The following DLG2 variants were observed in gnomAD, a reference collection of about 807,000 sequenced individuals.
DLG2 encodes the protein discs large MAGUK scaffold protein 2.
In DLG2, 45 loss-of-function variants were observed where a neutral mutation model predicts 132.5. The ratio of observed to expected loss-of-function variants is 0.34; its 90% CI spans 0.27 to 0.44. The LOEUF (loss-of-function observed/expected upper bound fraction) is 0.44, where lower values mean the gene tolerates loss of function less well. Ranked by LOEUF, DLG2 falls within the 20% of genes least tolerant of loss-of-function variation. The pLI is 1.00. For missense variants in DLG2, 1,045 were observed against 1,196.9 expected, an observed-to-expected ratio of 0.87 and a Z score of 1.87; for synonymous variants, 424 against 419.6, an observed-to-expected ratio of 1.01 and a Z score of -0.13.
chr11:84,447,177 G>A lies in DLG2; in HGVS notation c.519+87393C>T, dbSNP rs374622070. ...GACAGACCACCACCATCATTATTGTGACCTTGGAAAAGTTATGCTAACTTT... is the reference window on the plus strand; with the variant it reads ...GACAGACCACCACCATCATTATTGTAACCTTGGAAAAGTTATGCTAACTTT... On this transcript the variant is annotated intron_variant, in intron 7 of 27. Transcript: ENST00000376104. Among the ~76,000 whole-genome samples the A allele has an allele frequency of 4.9e-4, 75 of 152,272 alleles. 1 individual carries two copies. In the South Asian group the frequency reaches 0.015, roughly 30 times the overall value.
At chr11:85,202,316 A>G (rs1307217410) in intron 4 of DLG2, among the ~76,000 whole-genome samples, 1 of 152,202 alleles carries the variant, frequency 6.6e-6, no homozygotes, top group Non-Finnish European at 1.5e-5. Flanking sequence ...GTGAGACAAT[A>G]AAATCAAATA....
At chr11:83,755,976 A>G (rs2093628199) in intron 18 of DLG2, among the ~76,000 whole-genome samples, 1 of 151,362 alleles carries the variant, frequency 6.6e-6, no homozygotes, top group African/African-American at 2.5e-5. Flanking sequence ...GAAAATGTCA[A>G]GGTCCTACTG....
chr11:84,532,880 C>T (rs57868932), intron 7 of DLG2, among the ~76,000 whole-genome samples: 1,541 of 152,206 alleles, frequency 0.01, 23 homozygotes, highest in African/African-American at 0.034. Flanking sequence ...TTCAGTCTCT[C>T]GGCCCTGCCC....
chr11:85,219,590 T>A (rs1565175396), intron 4 of DLG2, among the ~76,000 whole-genome samples: 1 of 151,714 alleles, frequency 6.6e-6, no homozygotes, highest in Non-Finnish European at 1.5e-5. Flanking sequence ...AATCCTGATG[T>A]TCCTTTCCTT....
intron 6 of DLG2, among the ~76,000 whole-genome samples, chr11:84,772,430 A>G (rs1176714710): frequency 6.6e-6 from 1 of 152,136 alleles, no homozygotes; most frequent in Non-Finnish European, 1.5e-5. Flanking sequence ...TAAATTTGAC[A>G]CTTGACAAGC....
chr11:83,759,958 T>C (rs1396699428), intron 18 of DLG2, among the ~76,000 whole-genome samples: 3 of 152,218 alleles, frequency 2.0e-5, no homozygotes, highest in African/African-American at 7.2e-5. Context: ...AGATGTTTTA[T>C]TAAATCATTT....
intron 7 of DLG2, among the ~76,000 whole-genome samples, chr11:84,444,599 A>T (rs183997700): frequency 2.0e-5 from 3 of 152,188 alleles, no homozygotes; most frequent in Admixed American, 6.5e-5. Flanking sequence ...ATGTGCATAT[A>T]ATTGTTTCCT....
intron 4 of DLG2, among the ~76,000 whole-genome samples, chr11:85,272,986 A>G (rs2077639682): frequency 6.6e-6 from 1 of 152,206 alleles, no homozygotes; most frequent in African/African-American, 2.4e-5. Context: ...CAAACCTGAC[A>G]AAAACAAGAA....
intron 8 of DLG2, among the ~76,000 whole-genome samples, chr11:84,176,307 GCAGTAAAGCTTATAT>G (rs2095964659): frequency 9.2e-6 from 1 of 108,374 alleles, no homozygotes; most frequent in South Asian, 3.4e-4. Context: ...TATATGCTAA[GCAGTAAAGCTTATAT>G]ATATATATAT....
chr11:83,811,273 A>G (rs1040112527), intron 17 of DLG2, among the ~76,000 whole-genome samples: 2 of 152,138 alleles, frequency 1.3e-5, no homozygotes, highest in African/African-American at 4.8e-5. Flanking sequence ...CCCTTTTCAA[A>G]TCAGTAAACC....
intron 3 of DLG2, among the ~76,000 whole-genome samples, chr11:85,589,289 G>T (rs1022078967): frequency 6.6e-6 from 1 of 152,160 alleles, no homozygotes; most frequent in African/African-American, 2.4e-5. Context: ...GCAACGTCCT[G>T]AGTTGGTCAG....
chr11:83,645,378 A>T (rs78556749), intron 18 of DLG2, among the ~76,000 whole-genome samples: 2 of 152,148 alleles, frequency 1.3e-5, no homozygotes, highest in African/African-American at 4.8e-5. Flanking sequence ...CACTTTAACA[A>T]TTGAAGCAAT....
chr11:83,842,648 C>T (rs2057846734), intron 16 of DLG2, among the ~76,000 whole-genome samples: 2 of 151,102 alleles, frequency 1.3e-5, no homozygotes, highest in Non-Finnish European at 2.9e-5. Context: ...AAACCCGTCT[C>T]TACTAAAAAT....
In DLG2 at chr11:85,607,036, G is replaced by A. The variant is rs137855665; in HGVS notation, c.-92-8248C>T. On this transcript the variant is annotated intron_variant, in intron 2 of 27. Transcript: ENST00000376104. ...CCACCAATTCTGGACACATTTTGGC[G>A]ACCATGAAGGGACCATCACCTTTCG... Among the ~76,000 whole-genome samples, 275 of 152,240 alleles carry A rather than the reference G, an allele frequency of 1.8e-3. 1 individual carries two copies. The highest frequency in any genetic ancestry group is 2.9e-3 in the Non-Finnish European group (199 of 68,036).
At chr11:83,724,476 T>TGTGAGAGAGAGAGAGAGAGAGAGAGA (rs762050933) in intron 18 of DLG2, among the ~76,000 whole-genome samples, 1 of 118,154 alleles carries the variant, frequency 8.5e-6, no homozygotes, top group East Asian at 2.7e-4. Context: ...TGTGTGTGTG[T>TGTGAGAGAGAGAGAGAGAGAGAGAGA]GAGAGAGAGA....
intron 6 of DLG2, among the ~76,000 whole-genome samples, chr11:85,066,784 C>T (rs374826336): frequency 2.0e-5 from 3 of 151,528 alleles, no homozygotes; most frequent in African/African-American, 2.4e-5. Flanking sequence ...CATCAAAAAA[C>T]GAGCTTCAAG....
At chr11:84,014,348 C>T (rs2095054477) in intron 11 of DLG2, among the ~76,000 whole-genome samples, 1 of 152,134 alleles carries the variant, frequency 6.6e-6, no homozygotes, top group African/African-American at 2.4e-5. Flanking sequence ...TATTTGGACA[C>T]TCATATTACT....
intron 6 of DLG2, among the ~76,000 whole-genome samples, chr11:84,931,386 T>C (rs898194115): frequency 6.6e-6 from 1 of 152,146 alleles, no homozygotes; most frequent in Non-Finnish European, 1.5e-5. Context: ...TCTCATCATC[T>C]AGCTCCCACT....
chr11:85,525,257 G>A (rs1352812255), intron 3 of DLG2, among the ~76,000 whole-genome samples: 1 of 152,120 alleles, frequency 6.6e-6, no homozygotes, highest in Non-Finnish European at 1.5e-5. Context: ...TTGCAACTTA[G>A]GAGTAGAAGA....
Sources: allele counts gnomAD v4.1 joint callset (sites outside exome capture counted in the v4.1 genomes callset), GRCh38; gene constraint gnomAD v4.1.1; transcripts MANE v1.5; gene names NCBI Gene and HGNC (gene_info 2026-07-23, HGNC 2026-07-21).